The following FAM3B variants were observed in gnomAD, a reference collection of about 807,000 sequenced individuals.
FAM3B encodes the protein protein FAM3B.
Under a neutral mutation model 28.4 loss-of-function variants are expected in FAM3B, and 29 were observed. That is an observed-to-expected ratio of 1.02 (90% CI 0.76 to 1.39). The LOEUF (loss-of-function observed/expected upper bound fraction) is 1.39. Among genes scored for constraint, FAM3B ranks in the 40% most tolerant of loss-of-function variants. The pLI is 0.00. For missense variants in FAM3B, 266 were observed against 293.9 expected, an observed-to-expected ratio of 0.91 and a Z score of 0.69; for synonymous variants, 91 against 103.0, an observed-to-expected ratio of 0.88 and a Z score of 0.71.
chr21:41,339,059 G>T (rs2088981187), intron 3 of FAM3B, among the ~76,000 whole-genome samples: 3 of 152,202 alleles, frequency 2.0e-5, no homozygotes, highest in Admixed American at 2.0e-4. Flanking sequence ...CTGGATTAAA[G>T]CAGGTGTTGT....
intron 7 of FAM3B, among the ~76,000 whole-genome samples, chr21:41,351,865 A>G (rs1214065267): frequency 6.6e-6 from 1 of 152,228 alleles, no homozygotes; most frequent in Non-Finnish European, 1.5e-5. Context: ...TGAGAAATAA[A>G]TAAGGACAGG....
chr21:41,356,543 G>A (rs1434153177), intron 7 of FAM3B, among the ~76,000 whole-genome samples: 1 of 152,162 alleles, frequency 6.6e-6, no homozygotes, highest in African/African-American at 2.4e-5. Context: ...TTGCACCATT[G>A]TAAAGTTAAA....
chr21:41,335,714 T>C (rs910823670), intron 2 of FAM3B, among the ~76,000 whole-genome samples: 1 of 152,212 alleles, frequency 6.6e-6, no homozygotes, highest in Non-Finnish European at 1.5e-5. Context: ...CGGCCTAATA[T>C]ACTTCTATTA....
At chr21:41,330,396 T>C (rs971604256) in intron 2 of FAM3B, among the ~76,000 whole-genome samples, 3 of 152,222 alleles carry the variant, frequency 2.0e-5, no homozygotes, top group Non-Finnish European at 4.4e-5. Flanking sequence ...CTGGTATATA[T>C]AGGGTTCTGT....
chr21:41,312,177 T>A (rs66832478), upstream of FAM3B, among the ~76,000 whole-genome samples: 1 of 152,172 alleles, frequency 6.6e-6, no homozygotes, highest in East Asian at 1.9e-4. Flanking sequence ...TGGATATTAT[T>A]ATTTGATACT....
intron 7 of FAM3B, among the ~76,000 whole-genome samples, chr21:41,356,463 G>A (rs1390594801): frequency 6.6e-6 from 1 of 152,154 alleles, no homozygotes; most frequent in Non-Finnish European, 1.5e-5. Context: ...ATTGAACACT[G>A]TACTGAAAGT....
At chr21:41,309,913 T>A (rs777119915) in intron 1 of FAM3B, among the ~76,000 whole-genome samples, 2 of 152,186 alleles carry the variant, frequency 1.3e-5, no homozygotes, top group Non-Finnish European at 2.9e-5. Context: ...CTTTCCCTCT[T>A]TCAGGAGAGC....
At position 41,357,212 on chromosome 21, in the gene FAM3B, G is replaced by C. The variant is rs1478702473; in HGVS notation, c.*15G>C. ...AACGAAGCTGACACTGCAGGGTCCT[G>C]AGTAAATGTGTTCTGTATAAACAAA... On this transcript the variant is annotated 3_prime_UTR_variant, in exon 8 of 8. Coordinates refer to ENST00000357985, the MANE Select transcript of FAM3B (RefSeq NM_058186.4). 2 of 1,579,120 alleles carry C rather than the reference G, an allele frequency of 1.3e-6. No individual in the cohort carries two copies. Among genetic ancestry groups the C allele is most frequent in the Non-Finnish European group, 1.7e-6 (2 of 1,151,948 alleles).
At chr21:41,339,675 T>G (rs1005891535) in intron 3 of FAM3B, among the ~76,000 whole-genome samples, 16 of 152,166 alleles carry the variant, frequency 1.1e-4, no homozygotes, top group African/African-American at 3.9e-4. Context: ...CCAAGACTAC[T>G]AACAATACAA....
At position 41,326,427 on chromosome 21, in the gene FAM3B, T is replaced by C. The variant is rs774454604; in HGVS notation, c.163+3361T>C. Among the ~76,000 whole-genome samples, 1 of 152,188 alleles carries C rather than the reference T, an allele frequency of 6.6e-6. No homozygotes were observed. Among genetic ancestry groups the C allele is most frequent in the Non-Finnish European group, 1.5e-5 (1 of 68,026 alleles). ...GGAAACACAAATGCCCATCTGTGTGTCACCCATAGTCACTAAAGCCACATA... is the reference window on the plus strand; with the variant it reads ...GGAAACACAAATGCCCATCTGTGTGCCACCCATAGTCACTAAAGCCACATA... On this transcript the variant is annotated intron_variant, in intron 2 of 7. Coordinates refer to ENST00000357985, the MANE Select transcript of FAM3B (RefSeq NM_058186.4). The surrounding 1 kb of genome is among the most constrained non-coding windows in gnomAD (Gnocchi z 4.0).
intron 2 of FAM3B, among the ~76,000 whole-genome samples, chr21:41,330,059 A>G (rs1012016335): frequency 6.6e-6 from 1 of 151,324 alleles, no homozygotes; most frequent in African/African-American, 2.4e-5. Context: ...AAATTAAACT[A>G]TATTGTTAAT....
chr21:41,335,150 G>A (rs1367981325), intron 2 of FAM3B, among the ~76,000 whole-genome samples: 1 of 152,244 alleles, frequency 6.6e-6, no homozygotes, highest in Non-Finnish European at 1.5e-5. Flanking sequence ...GTAGGTGGAA[G>A]AGATTTGCCT....
upstream of FAM3B, chr21:41,316,795 C>A: frequency 7.4e-7 from 1 of 1,353,332 alleles, no homozygotes; most frequent in Non-Finnish European, 9.6e-7. Flanking sequence ...GCTGCCCGCC[C>A]CTTGCCTTCC....
rs1461438513 is a variant in FAM3B at position 41,304,527 on chromosome 21, A to G, written n.99+217A>G. ...TCCCGTCTAATTCTCAGCCCCTAGG[A>G]GACCCGAGCCTGGCACCCATCTGCA... On this transcript the variant is annotated intron_variant and non_coding_transcript_variant, in intron 1 of 9. Coordinates refer to the FAM3B transcript ENST00000479810. Among the ~76,000 whole-genome samples the G allele has an allele frequency of 3.3e-5, 5 of 152,294 alleles. No homozygotes were observed. The South Asian group carries it at 8.3e-4, about 25-fold the overall frequency.
upstream of FAM3B, among the ~76,000 whole-genome samples, chr21:41,315,635 A>G (rs893371585): frequency 2.0e-5 from 3 of 152,144 alleles, no homozygotes; most frequent in African/African-American, 7.2e-5. Context: ...GCTCAGGCCC[A>G]ACGCTGGCAT....
intron 1 of FAM3B, among the ~76,000 whole-genome samples, chr21:41,311,251 A>AAAAAAAAAAAAAAAAAAATAT (rs1555866518): frequency 2.9e-5 from 1 of 35,078 alleles, no homozygotes. Flanking sequence ...AAAAAAAAAA[A>AAAAAAAAAAAAAAAAAAATAT]ATATATATAT....
intron 3 of FAM3B, among the ~76,000 whole-genome samples, chr21:41,341,659 C>G (rs1468316978): frequency 6.6e-6 from 1 of 152,210 alleles, no homozygotes; most frequent in Non-Finnish European, 1.5e-5. Flanking sequence ...TTGGATGTAG[C>G]TGTTGTTCTT....
chr21:41,356,007 G>A (rs1298861480), intron 7 of FAM3B, among the ~76,000 whole-genome samples: 1 of 148,540 alleles, frequency 6.7e-6, no homozygotes, highest in Admixed American at 6.8e-5. Context: ...TGCTGAGGAA[G>A]GAGCTATACA....
chr21:41,344,749 C>A (rs1250558268), intron 4 of FAM3B, among the ~76,000 whole-genome samples: 1 of 152,120 alleles, frequency 6.6e-6, no homozygotes, highest in Admixed American at 6.5e-5. Context: ...CAAATATAGA[C>A]TTTATTTTAA....
Sources: allele counts gnomAD v4.1 joint callset (sites outside exome capture counted in the v4.1 genomes callset), GRCh38; gene constraint gnomAD v4.1.1; non-coding constraint Gnocchi (gnomAD v3.1); transcripts MANE v1.5; gene names NCBI Gene and HGNC (gene_info 2026-07-23, HGNC 2026-07-21).